The following B9D1 variants were observed in gnomAD, a reference collection of about 807,000 sequenced individuals.
The protein encoded by B9D1 is B9 domain containing 1, also known as B9 domain-containing protein 1.
In B9D1, 20 loss-of-function variants were observed where a neutral mutation model predicts 26.1. The observed-to-expected ratio is 0.77, with a 90% CI of 0.54 to 1.12. The LOEUF is 1.12. Ranked by LOEUF, B9D1 falls within the 50% of genes most tolerant of loss-of-function variation. The probability of loss-of-function intolerance (pLI) is 0.00; values close to 1 mark genes in which losing one functional copy is unlikely to be tolerated. For missense variants in B9D1, 260 were observed against 273.7 expected, an observed-to-expected ratio of 0.95 and a Z score of 0.35; for synonymous variants, 105 against 103.1, an observed-to-expected ratio of 1.02 and a Z score of -0.11.
At chr17:19,374,536 T>A (rs940332068) in intron 1 of B9D1, among the ~76,000 whole-genome samples, 1 of 152,256 alleles carries the variant, frequency 6.6e-6, no homozygotes, top group African/African-American at 2.4e-5. Context: ...ACACTCCCAC[T>A]TCTGGTATTC....
chr17:19,348,337 GCATTTTCC>G (rs970991322), intron 3 of B9D1, among the ~76,000 whole-genome samples: 25 of 152,116 alleles, frequency 1.6e-4, no homozygotes, highest in African/African-American at 5.8e-4. Flanking sequence ...AACCTTCTGG[GCATTTTCC>G]TTTAAAATAT....
At chr17:19,374,475 A>G (rs1912021754) in intron 1 of B9D1, among the ~76,000 whole-genome samples, 1 of 152,274 alleles carries the variant, frequency 6.6e-6, no homozygotes, top group South Asian at 2.1e-4. Flanking sequence ...CTCTAAGGAT[A>G]GAAATTTGAC....
upstream of B9D1, chr17:19,364,524 G>A (rs1462482378): frequency 6.6e-6 from 1 of 152,312 alleles, no homozygotes; most frequent in Non-Finnish European, 1.5e-5. This position sits in a 1 kb window ranked among gnomAD's most constrained non-coding sequence, Gnocchi z 4.3. Context: ...GGTTGGAGGA[G>A]AAGGTAGTTT....
intron 1 of B9D1, among the ~76,000 whole-genome samples, chr17:19,374,695 G>A (rs1598105240): frequency 6.6e-6 from 1 of 152,290 alleles, no homozygotes; most frequent in East Asian, 1.9e-4. Flanking sequence ...GGAATATCAT[G>A]CAGCTGTAAA....
intron 3 of B9D1, among the ~76,000 whole-genome samples, chr17:19,354,608 T>A (rs963547928): frequency 1.3e-5 from 2 of 152,102 alleles, no homozygotes; most frequent in African/African-American, 4.8e-5. Context: ...GGTGGCTGGA[T>A]CATGAGGTCA....
chr17:19,344,787 T>A (rs1218254896), intron 5 of B9D1, among the ~76,000 whole-genome samples: 1 of 152,148 alleles, frequency 6.6e-6, no homozygotes, highest in Non-Finnish European at 1.5e-5. Context: ...AGGGAGGGGC[T>A]CTCAGCTGCC....
chr17:19,340,810 AAGAG>A (rs1255272368), downstream of B9D1: 4 of 147,536 alleles, frequency 2.7e-5, no homozygotes, highest in Non-Finnish European at 6.0e-5. Flanking sequence ...AAAAAAAAAA[AAGAG>A]TTACGCATTT....
rs989405783 is a variant in B9D1, at chr17:19,370,602, C to T, written c.-298+7257G>A. On this transcript the variant is annotated intron_variant, in intron 1 of 5. Transcript: ENST00000477478. This position sits in a 1 kb window ranked among gnomAD's most constrained non-coding sequence, Gnocchi z 5.1. ...GACTGCAGCACCAATGGTGGAACTC[C>T]AGGCGTGGTGACAGGATGTGACCAG... Among the ~76,000 whole-genome samples the T allele has an allele frequency of 2.0e-5, 3 of 152,200 alleles. No individual in the cohort carries two copies. The highest frequency in any genetic ancestry group is 6.5e-5 in the Admixed American group (1 of 15,282).
At chr17:19,344,166 A>C (rs1908385881) in intron 5 of B9D1, among the ~76,000 whole-genome samples, 1 of 152,158 alleles carries the variant, frequency 6.6e-6, no homozygotes, top group Non-Finnish European at 1.5e-5. Flanking sequence ...ATGAGAGCTC[A>C]GGAAGATTCT....
intron 1 of B9D1, among the ~76,000 whole-genome samples, chr17:19,369,344 A>G (rs1567911412): frequency 6.6e-6 from 1 of 152,232 alleles, no homozygotes; most frequent in Non-Finnish European, 1.5e-5. Context: ...ACCTCTTCCC[A>G]GGGCCGCGTT....
chr17:19,336,446 C>G (rs1385573712), downstream of B9D1: 1 of 152,644 alleles, frequency 6.6e-6, no homozygotes, highest in African/African-American at 2.4e-5. Context: ...CACTGGGCCA[C>G]CGGGACCCAA....
chr17:19,366,257 G>T (rs527983037), upstream of B9D1, among the ~76,000 whole-genome samples: 103 of 151,788 alleles, frequency 6.8e-4, 1 homozygote, highest in South Asian at 0.022. Flanking sequence ...ACCTTCAAGG[G>T]GTGGGGAGCC....
At chr17:19,340,040 C>G (rs1018444741), downstream of B9D1, among the ~76,000 whole-genome samples, 2 of 148,194 alleles carry the variant, frequency 1.3e-5, no homozygotes, top group South Asian at 2.4e-4. Context: ...CCAACCCCCC[C>G]CCCCCCCCGG....
intron 3 of B9D1, among the ~76,000 whole-genome samples, chr17:19,357,042 G>A (rs1477132759): frequency 6.6e-6 from 1 of 152,224 alleles, no homozygotes; most frequent in Non-Finnish European, 1.5e-5. Context: ...ACGTGCAGTA[G>A]AAAGGCCTAG....
chr17:19,362,301 GTCTGCT>G (rs1219660761), intron 1 of B9D1, among the ~76,000 whole-genome samples, 200 bp downstream of exon 1: 2 of 152,212 alleles, frequency 1.3e-5, no homozygotes, highest in Non-Finnish European at 2.9e-5. Context: ...ACATCTCGAG[GTCTGCT>G]TCTATTCCTG....
intron 3 of B9D1, among the ~76,000 whole-genome samples, chr17:19,349,266 G>A (rs1909276803): frequency 6.6e-6 from 1 of 152,144 alleles, no homozygotes; most frequent in Non-Finnish European, 1.5e-5. Flanking sequence ...TTTTCTTACT[G>A]AAATAAGGTT....
intron 2 of B9D1, among the ~76,000 whole-genome samples, chr17:19,358,777 GCTCTAGATGTCGATGATT>G (rs1286970730): frequency 8.5e-5 from 13 of 152,142 alleles, no homozygotes; most frequent in Non-Finnish European, 1.8e-4. Context: ...CTTTCAATGT[GCTCTAGATGTCGATGATT>G]CCCAAATTTA....
rs1909010255 is a variant in B9D1, at chr17:19,347,644, A to G, written c.341+140T>C. ...GTTCTCCTCCCAAATACAGGCTACA[A>G]CCCCCCTGGCCACCAGGCTGAGCTG... On this transcript the variant is annotated intron_variant, in intron 4 of 6. Coordinates refer to ENST00000261499, the MANE Select transcript of B9D1 (RefSeq NM_015681.6). This position sits in a 1 kb window ranked among gnomAD's most constrained non-coding sequence, Gnocchi z 4.3. 1.2e-6 allele frequency: 1 copy of G among 848,350 alleles called. No homozygotes were observed. Among genetic ancestry groups the G allele is most frequent in the South Asian group, 1.4e-5 (1 of 69,280 alleles). 52.6% of individuals were successfully genotyped at this position (848,350 alleles called of 1,614,324 possible). A position where few individuals can be genotyped will look rare whatever the true frequency, so the allele number is the denominator to read the frequency against.
rs532020332 is a variant in B9D1 at position 19,372,716 on chromosome 17, C to G, written c.-298+5143G>C. On this transcript the variant is annotated intron_variant, in intron 1 of 5. Transcript: ENST00000477478. The surrounding 1 kb of genome is among the most constrained non-coding windows in gnomAD (Gnocchi z 4.4). ...CACAGACAAGAAAGGATGCCCCGGC[C>G]TCCATGTGACGGAGCTGGATTCAAA... 2.0e-5 allele frequency among the ~76,000 whole-genome samples: 3 copies of G among 152,340 alleles called. No individual in the cohort carries two copies. Among genetic ancestry groups the G allele is most frequent in the Admixed American group, 2.0e-4 (3 of 15,302 alleles).
Sources: gnomAD v4.1 joint callset for allele counts (sites outside exome capture counted in the v4.1 genomes callset) on GRCh38, gnomAD v4.1.1 for gene constraint, Gnocchi (gnomAD v3.1) non-coding constraint, MANE v1.5 for transcripts, NCBI Gene and HGNC (gene_info 2026-07-23, HGNC 2026-07-21) for gene names.